The following PRSS27 variants were observed in gnomAD, a reference collection of about 807,000 sequenced individuals.
PRSS27 encodes the protein channel-activating protease 2.
PRSS27 carries 25 observed loss-of-function variants against 32.0 expected under a neutral mutation model. The observed-to-expected ratio is 0.78, with a 90% confidence interval of 0.57 to 1.09. The LOEUF (loss-of-function observed/expected upper bound fraction) is 1.09, where lower values mean the gene tolerates loss of function less well. Ranked by LOEUF, PRSS27 falls within the 50% of genes least tolerant of loss-of-function variation. The pLI is 0.00. For missense variants in PRSS27, 401 were observed against 394.9 expected, an observed-to-expected ratio of 1.02 and a Z score of -0.13; for synonymous variants, 178 against 172.2, an observed-to-expected ratio of 1.03 and a Z score of -0.26.
In PRSS27 at chr16:2,712,517, G is replaced by A. The variant is rs1303283803; in HGVS notation, c.*103C>T. The A allele has an allele frequency of 2.2e-6, 2 of 926,266 alleles. No homozygotes were observed. The highest frequency in any genetic ancestry group is 1.7e-5 in the African/African-American group (1 of 58,604). 57.4% of individuals were successfully genotyped at this position (926,266 alleles called of 1,614,324 possible). A position where few individuals can be genotyped will look rare whatever the true frequency, so the allele number is the denominator to read the frequency against. ...GCGCTATTTACAAATGAGTCTGGTG[G>A]GGCTCACAGGTGCAACAGCAGCGCT... On this transcript the variant is annotated 3_prime_UTR_variant, in exon 6 of 6. Coordinates refer to ENST00000302641, the MANE Select transcript of PRSS27 (RefSeq NM_031948.5). This position sits in a 1 kb window ranked among gnomAD's most constrained non-coding sequence, Gnocchi z 4.6.
chr16:2,716,626 G>T, intron 1 of PRSS27, 100 bp from the exon 2 acceptor site: 1 of 1,164,948 alleles, frequency 8.6e-7, no homozygotes, highest in Non-Finnish European at 1.2e-6. Flanking sequence ...AGCTCCTGAG[G>T]ACTCCAGAGG....
chr16:2,720,191 T>C lies in PRSS27; in HGVS notation c.-31A>G. On this transcript the variant is annotated 5_prime_UTR_variant, in exon 1 of 6. Coordinates refer to ENST00000302641, the MANE Select transcript of PRSS27 (RefSeq NM_031948.5). ...CAGGCCTGGCTGGGGCGCAGGGCCG[T>C]GGTCGGCGGTGGCAGAAGCGTTGGA... 1.9e-6 allele frequency: 3 copies of C among 1,565,082 alleles called. No homozygotes were observed. Among genetic ancestry groups the C allele is most frequent in the South Asian group, 2.3e-5 (2 of 85,696 alleles).
chr16:2,713,707 G>A lies in PRSS27; in HGVS notation c.509-9C>T, dbSNP rs758054890. On this transcript the variant is annotated splice_polypyrimidine_tract_variant and intron_variant, in intron 4 of 5. Coordinates refer to ENST00000302641, the MANE Select transcript of PRSS27 (RefSeq NM_031948.5). ...CGGTTCGGGCAGGAGGTCTGGAGAGGGGCGGAACAGCCCAGGGCTCAACGG... is the reference window on the plus strand; with the variant it reads ...CGGTTCGGGCAGGAGGTCTGGAGAGAGGCGGAACAGCCCAGGGCTCAACGG... 1.7e-5 allele frequency: 28 copies of A among 1,613,878 alleles called. No homozygotes were observed. The highest frequency in any genetic ancestry group is 2.1e-5 in the Non-Finnish European group (25 of 1,179,912).
Position 2,714,207 on chromosome 16 carries a change from G to A in PRSS27, c.366C>T (p.Ser122=), listed in dbSNP as rs369428582. 1.7e-5 allele frequency: 27 copies of A among 1,613,940 alleles called. No homozygotes were observed. The highest frequency in any genetic ancestry group is 8.0e-5 in the African/African-American group (6 of 75,058). ...SNPLYQGTAS[S]ADVALVELEA... ...CCAGCTCCACCAGGGCCACGTCAGC[G>A]CTGGAGGCCGTGCCCTGGTACAGGG... Residue 122 remains serine (S), a synonymous_variant, in exon 4 of 6, where the codon AGC becomes AGT. Transcript: ENST00000302641. This position sits in a 1 kb window ranked among gnomAD's most constrained non-coding sequence, Gnocchi z 4.7.
At position 2,720,183 on chromosome 16, in the gene PRSS27, C is replaced by A; in HGVS notation, c.-23G>T. The A allele has an allele frequency of 6.3e-7, 1 of 1,579,886 alleles. No homozygotes were observed. Among genetic ancestry groups the A allele is most frequent in the Non-Finnish European group, 8.6e-7 (1 of 1,162,998 alleles). ...CATGTCCTCAGGCCTGGCTGGGGCG[C>A]AGGGCCGTGGTCGGCGGTGGCAGAA... is the stretch of plus-strand genomic sequence containing the variant. On this transcript the variant is annotated 5_prime_UTR_variant, in exon 1 of 6. Transcript: ENST00000302641.
intron 1 of PRSS27, chr16:2,718,315 CT>C (rs869140922): frequency 0.018 from 2,388 of 130,384 alleles, 45 homozygotes; most frequent in African/African-American, 0.054. Flanking sequence ...AAGTCCTAGT[CT>C]TTTTTTTTTT....
intron 1 of PRSS27, among the ~76,000 whole-genome samples, chr16:2,719,376 C>A (rs990698805): frequency 6.6e-5 from 10 of 152,132 alleles, no homozygotes; most frequent in African/African-American, 2.4e-4. Flanking sequence ...GATGACCTGA[C>A]CCAGCCCTGG....
rs2067688789 is a variant in PRSS27 at position 2,714,471 on chromosome 16, G to A, written c.237-135C>T. Reference sequence around the variant, plus strand: ...CAATGTCTTCGAGAGTCATCTCTAGGACAGCCAGGTGCAGCGGTGATGCGT... The same window carrying A: ...CAATGTCTTCGAGAGTCATCTCTAGAACAGCCAGGTGCAGCGGTGATGCGT... On this transcript the variant is annotated intron_variant, in intron 3 of 5. Transcript: ENST00000302641. The surrounding 1 kb of genome is among the most constrained non-coding windows in gnomAD (Gnocchi z 4.7). 9.8e-7 allele frequency: 1 copy of A among 1,015,534 alleles called. No individual in the cohort carries two copies. The allele number at this position is 1,015,534 out of a possible 1,614,324, so 62.9% of individuals were successfully genotyped here. A position where few individuals can be genotyped will look rare whatever the true frequency, so the allele number is the denominator to read the frequency against.
Position 2,714,053 on chromosome 16 carries a change from C to T in PRSS27, c.508+12G>A. On this transcript the variant is annotated intron_variant, in intron 4 of 5. Coordinates refer to ENST00000302641, the MANE Select transcript of PRSS27 (RefSeq NM_031948.5). This position sits in a 1 kb window ranked among gnomAD's most constrained non-coding sequence, Gnocchi z 4.7. ...GCATATCCCCCATTCTTTCCCAGCC[C>T]TGTCCCCTTACCTTCCTCACTGGGG... The T allele has an allele frequency of 6.3e-7, 1 of 1,597,568 alleles. No homozygotes were observed. Among genetic ancestry groups the T allele is most frequent in the African/African-American group, 1.3e-5 (1 of 74,878 alleles).
chr16:2,715,908 G>A (rs765033900), intron 2 of PRSS27, 28 bp from the exon 3 acceptor site: 2 of 1,526,694 alleles, frequency 1.3e-6, no homozygotes, highest in South Asian at 1.2e-5. Flanking sequence ...GCGGGTGGGG[G>A]CGCTCACTGG....
intron 1 of PRSS27, among the ~76,000 whole-genome samples, chr16:2,719,360 G>A (rs1442244292): frequency 1.3e-5 from 2 of 152,152 alleles, no homozygotes; most frequent in East Asian, 3.9e-4. Context: ...CTAAGCTGCA[G>A]CCTGGGATGA....
chr16:2,716,855 A>C (rs1596232600), intron 1 of PRSS27: 7 of 387,946 alleles, frequency 1.8e-5, no homozygotes, highest in South Asian at 4.3e-5. Flanking sequence ...CTCCCTCCAC[A>C]CTCCACACCC....
chr16:2,712,628 G>A lies in PRSS27; in HGVS notation c.865C>T (p.Gln289Ter). 3 of 1,582,908 alleles carry A rather than the reference G, an allele frequency of 1.9e-6. No individual in the cohort carries two copies. The highest frequency in any genetic ancestry group is 2.6e-6 in the Non-Finnish European group (3 of 1,164,232). ...TCCTGGCCCCGGGGGTCTCACTTCTGGCCGCCCAACCTCGCTGGCTGGAAC... is the reference window on the plus strand; with the variant it reads ...TCCTGGCCCCGGGGGTCTCACTTCTAGCCGCCCAACCTCGCTGGCTGGAAC... ...LQFQPARLGG[Q>*]K The change falls in exon 6 of 6, where the codon CAG becomes TAG. Residue 289 changes from glutamine to a stop codon, truncating the protein, a stop_gained. Coordinates refer to ENST00000302641, the MANE Select transcript of PRSS27 (RefSeq NM_031948.5). LOFTEE classifies it high-confidence loss of function. The surrounding 1 kb of genome is among the most constrained non-coding windows in gnomAD (Gnocchi z 4.6).
intron 3 of PRSS27, 156 bp downstream of exon 3, chr16:2,715,561 AC>A: frequency 1.8e-6 from 1 of 557,604 alleles, no homozygotes; most frequent in East Asian, 3.4e-5. Flanking sequence ...CTGGAGTTGG[AC>A]CTAAGGGAAG....
chr16:2,718,741 A>T (rs893547663), intron 1 of PRSS27, among the ~76,000 whole-genome samples: 23 of 152,078 alleles, frequency 1.5e-4, no homozygotes, highest in African/African-American at 5.6e-4. Context: ...CTCTGTCCTG[A>T]TGGGAGCTCT....
In PRSS27 at chr16:2,713,380, G is replaced by C. The variant is rs547043611; in HGVS notation, c.678+149C>G. On this transcript the variant is annotated intron_variant, in intron 5 of 5. Transcript: ENST00000302641. ...CCCAAAGTGCTGGGATTACAGGCGT[G>C]AGCCACCACACCCGGCCCTGGAATC... is the stretch of plus-strand genomic sequence containing the variant. 16 of 840,960 alleles carry C rather than the reference G, an allele frequency of 1.9e-5. No homozygotes were observed. In the East Asian group the frequency reaches 3.6e-4, roughly 19 times the overall value. 52.1% of individuals were successfully genotyped at this position (840,960 alleles called of 1,614,324 possible). A position where few individuals can be genotyped will look rare whatever the true frequency, so the allele number is the denominator to read the frequency against.
chr16:2,720,041 G>A (rs2067725572), intron 1 of PRSS27, 74 bp downstream of exon 1: 1 of 1,375,850 alleles, frequency 7.3e-7, no homozygotes, highest in African/African-American at 1.4e-5. Context: ...AGGGGGCTGA[G>A]CCGGAGCCCC....
intron 3 of PRSS27, 174 bp downstream of exon 3, chr16:2,715,544 G>C (rs2067695680): frequency 3.8e-6 from 2 of 525,846 alleles, no homozygotes; most frequent in Non-Finnish European, 6.6e-6. Context: ...GCAACTGGAA[G>C]TTAGCCCTGG....
chr16:2,713,978 G>A, intron 4 of PRSS27, 87 bp downstream of exon 4: 1 of 1,377,962 alleles, frequency 7.3e-7, no homozygotes. Context: ...ATAGCAACAG[G>A]AAGATTGTGG....
Sources: allele counts gnomAD v4.1 joint callset (sites outside exome capture counted in the v4.1 genomes callset), GRCh38; gene constraint gnomAD v4.1.1; non-coding constraint Gnocchi (gnomAD v3.1); transcripts MANE v1.5; gene names NCBI Gene and HGNC (gene_info 2026-07-23, HGNC 2026-07-21).